The following ERG variants were observed in gnomAD, a reference collection of about 807,000 sequenced individuals.
ERG encodes ETS transcription factor ERG, also known as transcriptional regulator ERG.
A neutral mutation model predicts 55.3 loss-of-function variants in ERG; 9 were observed. That is an observed-to-expected ratio of 0.16 (90% confidence interval 0.10 to 0.28). ERG has a LOEUF of 0.28. ERG is among the 10% of genes least tolerant of loss of function. The pLI is 1.00. For synonymous variants in ERG, 223 were observed against 237.3 expected (o/e 0.94, Z 0.55); for missense variants, 434 against 631.6 (o/e 0.69, Z 3.35).
chr21:38,574,660 T>C (rs1332606775), intron 2 of ERG, among the ~76,000 whole-genome samples: 1 of 152,246 alleles, frequency 6.6e-6, no homozygotes, highest in Non-Finnish European at 1.5e-5. Flanking sequence ...AGGCTTTTTA[T>C]ATTTTATTCA....
chr21:38,570,839 T>C (rs996131610), intron 2 of ERG, among the ~76,000 whole-genome samples: 1 of 152,178 alleles, frequency 6.6e-6, no homozygotes, highest in Non-Finnish European at 1.5e-5. Flanking sequence ...GCAGAACTAA[T>C]ATACAGATGG....
chr21:38,371,217 T>C, the ERG span, among the ~76,000 whole-genome samples: 2 of 152,086 alleles, frequency 1.3e-5, no homozygotes, highest in African/African-American at 2.4e-5. Context: ...TATATGTTAG[T>C]ATGTAAAAAT....
intron 1 of ERG, among the ~76,000 whole-genome samples, chr21:38,582,344 A>T (rs12483329): frequency 0.42 from 63,463 of 152,036 alleles, 15,812 homozygotes; most frequent in Non-Finnish European, 0.56. Context: ...CCATGTGCTA[A>T]CTTCCGGTAG....
At chr21:38,489,841 G>A (rs986120645) in intron 1 of ERG, among the ~76,000 whole-genome samples, 1 of 152,216 alleles carries the variant, frequency 6.6e-6, no homozygotes, top group Non-Finnish European at 1.5e-5. Flanking sequence ...ATAAAAACAG[G>A]TCCAGGAAGG....
At chr21:38,602,800 C>G (rs2060172410) in intron 1 of ERG, among the ~76,000 whole-genome samples, 1 of 151,808 alleles carries the variant, frequency 6.6e-6, no homozygotes, top group East Asian at 1.9e-4. Context: ...TAGAAGTTTC[C>G]TGAAGGAAAC....
intron 2 of ERG, among the ~76,000 whole-genome samples, chr21:38,523,633 C>A (rs2059610645): frequency 6.6e-6 from 1 of 152,200 alleles, no homozygotes; most frequent in African/African-American, 2.4e-5. Flanking sequence ...TATTGTAATT[C>A]TCCGTAAAAC....
chr21:38,404,547 G>T (rs1400253810), intron 3 of ERG, among the ~76,000 whole-genome samples: 1 of 152,216 alleles, frequency 6.6e-6, no homozygotes, highest in Non-Finnish European at 1.5e-5. Flanking sequence ...CAGTGGTAGG[G>T]TCTTCAGAGT....
At chr21:38,548,718 C>T (rs116042254) in intron 2 of ERG, among the ~76,000 whole-genome samples, 1,845 of 147,720 alleles carry the variant, frequency 0.012, 48 homozygotes, top group African/African-American at 0.043. Flanking sequence ...CCAGCCTTAA[C>T]CTCCCAAAGT....
chr21:38,470,774 A>AT (rs1328719184), intron 1 of ERG: 1 of 152,212 alleles, frequency 6.6e-6, no homozygotes, highest in Non-Finnish European at 1.5e-5. Context: ...TGTTTCATTT[A>AT]TTTTTTCCAA....
chr21:38,405,556 C>G lies in ERG; in HGVS notation c.389-1847G>C, dbSNP rs552185966. ...GCATCACAGTTGATAACAGCTCCCC[C>G]AGGTGACTCTAATGAGCAGCCAAGG... On this transcript the variant is annotated intron_variant, in intron 3 of 9. Transcript: ENST00000288319. 2.6e-4 allele frequency among the ~76,000 whole-genome samples: 39 copies of G among 152,244 alleles called. No individual in the cohort carries two copies. The East Asian group carries it at 7.5e-3, about 29-fold the overall frequency.
At chr21:38,629,426 A>T (rs936426981) in intron 1 of ERG, among the ~76,000 whole-genome samples, 1 of 152,202 alleles carries the variant, frequency 6.6e-6, no homozygotes, top group African/African-American at 2.4e-5. Context: ...GATAACATTG[A>T]TTTTTTAAAA....
At chr21:38,626,208 C>T (rs1182055965) in intron 1 of ERG, among the ~76,000 whole-genome samples, 1 of 152,112 alleles carries the variant, frequency 6.6e-6, no homozygotes, top group Admixed American at 6.5e-5. Context: ...AGGCGTGAGC[C>T]ACGTTTGGCC....
chr21:38,397,712 G>A (rs940125564), intron 6 of ERG, among the ~76,000 whole-genome samples: 6 of 151,972 alleles, frequency 3.9e-5, no homozygotes, highest in Non-Finnish European at 7.4e-5. Flanking sequence ...AGGGAAGGGT[G>A]GTGAGGAAGT....
At chr21:38,390,473 T>C (rs1244508018) in intron 9 of ERG, among the ~76,000 whole-genome samples, 1 of 152,160 alleles carries the variant, frequency 6.6e-6, no homozygotes, top group African/African-American at 2.4e-5. Context: ...GGTAATCAAG[T>C]TATAGTAAGG....
At chr21:38,619,132 C>A (rs1001996330) in intron 1 of ERG, among the ~76,000 whole-genome samples, 3 of 152,176 alleles carry the variant, frequency 2.0e-5, no homozygotes, top group Non-Finnish European at 2.9e-5. Flanking sequence ...GTCAATGACA[C>A]ACTCTACCTG....
intron 2 of ERG, among the ~76,000 whole-genome samples, chr21:38,436,552 CACTA>C (rs1417169226): frequency 1.3e-5 from 2 of 152,168 alleles, no homozygotes; most frequent in African/African-American, 4.8e-5. Flanking sequence ...CTTTCACTTT[CACTA>C]ACTTTCACTT....
intron 1 of ERG, among the ~76,000 whole-genome samples, chr21:38,628,092 G>A (rs1480639718): frequency 6.6e-6 from 1 of 152,020 alleles, no homozygotes; most frequent in Non-Finnish European, 1.5e-5. Context: ...GGGGCTACAG[G>A]TGCATGCCAC....
At chr21:38,555,427 T>C (rs901161068) in intron 2 of ERG, among the ~76,000 whole-genome samples, 37 of 152,238 alleles carry the variant, frequency 2.4e-4, no homozygotes, top group African/African-American at 8.9e-4. Context: ...AAAAATTTTC[T>C]ATTTTCAATA....
intron 9 of ERG, among the ~76,000 whole-genome samples, chr21:38,387,324 G>A (rs958186611): frequency 8.5e-5 from 13 of 152,194 alleles, no homozygotes; most frequent in African/African-American, 3.1e-4. Flanking sequence ...CCTCTGCAAG[G>A]CAGCAGGTGT....
Sources: gnomAD v4.1 joint callset for allele counts (sites outside exome capture counted in the v4.1 genomes callset) on GRCh38, gnomAD v4.1.1 for gene constraint, MANE v1.5 for transcripts, NCBI Gene and HGNC (gene_info 2026-07-23, HGNC 2026-07-21) for gene names.